The following ZNF680 variants were observed in gnomAD, a reference collection of about 807,000 sequenced individuals.
ZNF680 encodes the protein hypothetical protein FLJ90430.
Under a neutral mutation model 12.1 loss-of-function variants are expected in ZNF680, and 6 were observed. The ratio of observed to expected loss-of-function variants is 0.49; its 90% confidence interval spans 0.27 to 0.98. ZNF680 has a LOEUF of 0.98. ZNF680 is among the 50% of genes least tolerant of loss of function. The pLI is 0.12. For missense variants in ZNF680, 561 were observed against 616.3 expected (o/e 0.91, Z 0.95); for synonymous variants, 170 against 199.3 (o/e 0.85, Z 1.24).
intron 1 of ZNF680, among the ~76,000 whole-genome samples, chr7:64,556,919 G>T (rs961555112): frequency 6.6e-6 from 1 of 152,142 alleles, no homozygotes; most frequent in Non-Finnish European, 1.5e-5. Flanking sequence ...TCTGACAAAG[G>T]TCTATTATTC....
intron 3 of ZNF680, chr7:64,526,221 A>G (rs1791835421): frequency 9.6e-7 from 1 of 1,036,998 alleles, no homozygotes; most frequent in Admixed American, 5.2e-5. Flanking sequence ...TGTAGAGGTT[A>G]CTTGTAGATG....
intron 1 of ZNF680, among the ~76,000 whole-genome samples, chr7:64,546,500 G>A (rs1043544890): frequency 3.9e-5 from 6 of 152,286 alleles, no homozygotes; most frequent in South Asian, 2.1e-4. Flanking sequence ...CTAGCATACC[G>A]GGAGGCCGAG....
In ZNF680 at chr7:64,522,256, A is replaced by C; in HGVS notation, c.498T>G (p.Phe166Leu). ...CDKYVKVFHKFSNSNSHKKRN... is the reference protein window; with the variant it reads ...CDKYVKVFHKLSNSNSHKKRN... ...TTTTCTTATGACTGTTTGAATTTGAAAATTTATGAAAGACTTTCACGTATT... is the reference window on the plus strand; with the variant it reads ...TTTTCTTATGACTGTTTGAATTTGACAATTTATGAAAGACTTTCACGTATT... The change falls in exon 4 of 4, where the codon TTT becomes TTG. Residue 166 changes from phenylalanine to leucine, a missense_variant. Physicochemically the swap from Phe to Leu is conservative, Grantham distance 22. Coordinates refer to ENST00000309683, the MANE Select transcript of ZNF680 (RefSeq NM_178558.5). The C allele has an allele frequency of 6.2e-7, 1 of 1,612,882 alleles. No homozygotes were observed. Among genetic ancestry groups the C allele is most frequent in the Non-Finnish European group, 8.5e-7 (1 of 1,179,356 alleles).
chr7:64,505,732 G>A, the ZNF680 span, among the ~76,000 whole-genome samples: 1 of 151,724 alleles, frequency 6.6e-6, no homozygotes, highest in Non-Finnish European at 1.5e-5. Flanking sequence ...GGCTATCTCA[G>A]ATGAGAGGTG....
At chr7:64,509,341 A>C in the ZNF680 span, among the ~76,000 whole-genome samples, 3 of 152,118 alleles carry the variant, frequency 2.0e-5, no homozygotes, top group African/African-American at 7.2e-5. Context: ...CCTATGTGTA[A>C]ACAGAAAAAC....
rs761196490 is a variant in ZNF680 at position 64,522,066 on chromosome 7, C to T, written c.688G>A (p.Gly230Arg). The change falls in exon 4 of 4, where the codon GGA becomes AGA. Residue 230 changes from glycine to arginine, a missense_variant. Gly to Arg is a moderately radical substitution (Grantham distance 125). Transcript: ENST00000309683. ...NWFSELIKHKGIHMGEKPYKC... is the reference protein window; with the variant it reads ...NWFSELIKHKRIHMGEKPYKC... The stretch of plus-strand genomic sequence containing the variant: ...TAGGGTTTCTCTCCCATATGAATTC[C>T]CTTATGTTTAATAAGCTCTGAGAAC... 1.7e-5 allele frequency: 27 copies of T among 1,611,908 alleles called. No homozygotes were observed. In the Admixed American group the frequency reaches 4.5e-4, roughly 27 times the overall value.
chr7:64,526,652 T>C, intron 3 of ZNF680: 1 of 316,060 alleles, frequency 3.2e-6, no homozygotes, highest in Non-Finnish European at 5.7e-6. Context: ...TACAATTCTT[T>C]ACTCTCATAA....
the ZNF680 span, among the ~76,000 whole-genome samples, chr7:64,508,142 T>TATATATATATATATATATACACACAC: frequency 8.9e-6 from 1 of 112,190 alleles, no homozygotes; most frequent in African/African-American, 3.5e-5. Flanking sequence ...TATATATATA[T>TATATATATATATATATATACACACAC]ACATAATTTT....
chr7:64,555,567 T>C (rs975614564), intron 1 of ZNF680, among the ~76,000 whole-genome samples: 1 of 151,830 alleles, frequency 6.6e-6, no homozygotes, highest in African/African-American at 2.4e-5. Context: ...AAGATCTCAA[T>C]TTAACAACCT....
intron 1 of ZNF680, among the ~76,000 whole-genome samples, chr7:64,549,510 G>A (rs575739118): frequency 1.1e-4 from 17 of 152,258 alleles, no homozygotes; most frequent in East Asian, 5.8e-4. Context: ...TCAATCCTAA[G>A]TCTGGCCCTG....
At position 64,555,742 on chromosome 7, in the gene ZNF680, A is replaced by G. The variant is rs576019201; in HGVS notation, c.30+7183T>C. 5.7e-5 allele frequency among the ~76,000 whole-genome samples: 7 copies of G among 122,714 alleles called. 1 individual carries two copies. Among genetic ancestry groups the G allele is most frequent in the Admixed American group, 3.9e-4 (5 of 12,808 alleles). The allele number at this position is 122,714 out of a possible 152,430, so 80.5% of individuals were successfully genotyped here. A position where few individuals can be genotyped will look rare whatever the true frequency, so the allele number is the denominator to read the frequency against. On this transcript the variant is annotated intron_variant, in intron 1 of 3. Transcript: ENST00000309683. ...AACCTTTGTAAAAAAAAATATATAT[A>G]TATATATAAAATAAGATAAACCACT...
chr7:64,507,824 A>AACACAC, the ZNF680 span, among the ~76,000 whole-genome samples: 3 of 136,478 alleles, frequency 2.2e-5, no homozygotes, highest in Non-Finnish European at 3.1e-5. Flanking sequence ...AATTCCAGGA[A>AACACAC]ACACACACAC....
chr7:64,521,140 T>G lies in ZNF680; in HGVS notation c.*21A>C. 6.3e-7 allele frequency: 1 copy of G among 1,577,316 alleles called. No individual in the cohort carries two copies. Among genetic ancestry groups the G allele is most frequent in the Non-Finnish European group, 8.6e-7 (1 of 1,163,990 alleles). On this transcript the variant is annotated 3_prime_UTR_variant, in exon 4 of 4. Transcript: ENST00000309683. Reference sequence around the variant, plus strand: ...TTTAGGGTTTCTCAACAGGATGGTGTCTTTTATGTTTAGAAAAGTTTTAGG... The same window carrying G: ...TTTAGGGTTTCTCAACAGGATGGTGGCTTTTATGTTTAGAAAAGTTTTAGG...
intron 1 of ZNF680, among the ~76,000 whole-genome samples, chr7:64,547,378 A>G (rs1445067165): frequency 6.6e-6 from 1 of 152,232 alleles, no homozygotes; most frequent in African/African-American, 2.4e-5. Flanking sequence ...CTGGTCCTTT[A>G]AAGTCTACAG....
chr7:64,554,356 C>G (rs1787278136), intron 1 of ZNF680, among the ~76,000 whole-genome samples: 1 of 151,950 alleles, frequency 6.6e-6, no homozygotes, highest in South Asian at 2.1e-4. Context: ...TGGCAGCCGC[C>G]CCGTCCGGGA....
the ZNF680 span, chr7:64,501,656 T>A: frequency 1.0e-6 from 1 of 971,318 alleles, no homozygotes; most frequent in East Asian, 2.5e-5. Context: ...CAGCTGGAGT[T>A]GACCAAGGAT....
intron 3 of ZNF680, among the ~76,000 whole-genome samples, chr7:64,529,283 T>C (rs1785736561): frequency 6.6e-6 from 1 of 152,164 alleles, no homozygotes; most frequent in East Asian, 1.9e-4. Flanking sequence ...TCACACTAGC[T>C]AACCAGCAAT....
At chr7:64,525,773 T>C in intron 3 of ZNF680, 2 of 969,338 alleles carry the variant, frequency 2.1e-6, no homozygotes, top group Non-Finnish European at 2.5e-6. Context: ...CACACAAAAA[T>C]AATATAGATC....
chr7:64,506,295 G>A, the ZNF680 span, among the ~76,000 whole-genome samples: 41,841 of 151,268 alleles, frequency 0.28, 5,976 homozygotes, highest in East Asian at 0.41. Flanking sequence ...TCCGCCTCCC[G>A]GGTTCACGCC....
Sources: gnomAD v4.1 joint callset for allele counts (sites outside exome capture counted in the v4.1 genomes callset) on GRCh38, gnomAD v4.1.1 for gene constraint, MANE v1.5 for transcripts, NCBI Gene and HGNC (gene_info 2026-07-23, HGNC 2026-07-21) for gene names.